PDE7A: variants seen among roughly 807,000 people sequenced by gnomAD.
PDE7A encodes phosphodiesterase 7A, also known as high affinity 3',5'-cyclic-AMP phosphodiesterase 7A.
In PDE7A, 39 loss-of-function variants were observed where a neutral mutation model predicts 64.3. That is an observed-to-expected ratio of 0.61 (90% CI 0.47 to 0.79). The LOEUF (loss-of-function observed/expected upper bound fraction) is 0.79. Ranked by LOEUF, PDE7A falls within the 30% of genes least tolerant of loss-of-function variation. The pLI is 0.00. For missense variants in PDE7A, 470 were observed against 582.8 expected, an observed-to-expected ratio of 0.81 and a Z score of 1.99; for synonymous variants, 203 against 206.8, an observed-to-expected ratio of 0.98 and a Z score of 0.16.
intron 7 of PDE7A, among the ~76,000 whole-genome samples, chr8:65,730,132 T>C (rs939311157): frequency 4.7e-5 from 7 of 147,502 alleles, no homozygotes; most frequent in African/African-American, 1.2e-4. Flanking sequence ...ACAAACCCTA[T>C]TGTAAACTGT....
chr8:65,743,159 G>A lies in PDE7A; in HGVS notation c.499+2248C>T, dbSNP rs549285134. On this transcript the variant is annotated intron_variant, in intron 5 of 12. Coordinates refer to ENST00000401827, the MANE Select transcript of PDE7A (RefSeq NM_001242318.3). ...TTATGTAAGGCTAAACCTTGAAAAT[G>A]TTAAGAGTGGCATTGTTTCATCTAT... 2.0e-5 allele frequency among the ~76,000 whole-genome samples: 3 copies of A among 152,330 alleles called. No homozygotes were observed. The South Asian group carries it at 6.2e-4, about 32-fold the overall frequency.
chr8:65,820,083 G>A (rs1167790829), intron 1 of PDE7A, among the ~76,000 whole-genome samples: 1 of 152,204 alleles, frequency 6.6e-6, no homozygotes, highest in Non-Finnish European at 1.5e-5. Flanking sequence ...CTAAGTAACT[G>A]TAAAAATCCA....
intron 3 of PDE7A, among the ~76,000 whole-genome samples, chr8:65,750,506 GTGTGTGTC>G (rs1160317477): frequency 6.6e-5 from 10 of 151,410 alleles, no homozygotes; most frequent in South Asian, 2.1e-4. Flanking sequence ...GTGTGTGTCT[GTGTGTGTC>G]TGTGTGTGTG....
intron 1 of PDE7A, among the ~76,000 whole-genome samples, chr8:65,802,270 A>C (rs919310068): frequency 6.6e-6 from 1 of 152,248 alleles, no homozygotes; most frequent in Non-Finnish European, 1.5e-5. Context: ...TCACTGCACA[A>C]CACTGTGAAT....
intron 1 of PDE7A, among the ~76,000 whole-genome samples, chr8:65,820,387 C>T (rs549257749): frequency 6.6e-6 from 1 of 151,956 alleles, no homozygotes; most frequent in East Asian, 1.9e-4. Context: ...CAGAGTGAGA[C>T]CCTGTTTCAA....
chr8:65,717,697 T>C lies in PDE7A; in HGVS notation c.*1593A>G, dbSNP rs1005346064. ...AAAGATAAAAATATGAAAAGATAGG[T>C]TTTTATTCATCAAAAGTTAACAGCA... On this transcript the variant is annotated 3_prime_UTR_variant, in exon 13 of 13. Coordinates refer to ENST00000401827, the MANE Select transcript of PDE7A (RefSeq NM_001242318.3). 6.6e-6 allele frequency: 1 copy of C among 152,196 alleles called. No homozygotes were observed. The highest frequency in any genetic ancestry group is 6.5e-5 in the Admixed American group (1 of 15,270). 9.4% of individuals were successfully genotyped at this position (152,196 alleles called of 1,614,324 possible). A position where few individuals can be genotyped will look rare whatever the true frequency, so the allele number is the denominator to read the frequency against.
chr8:65,716,284 T>C lies in PDE7A; in HGVS notation c.*3006A>G, dbSNP rs1585813367. On this transcript the variant is annotated 3_prime_UTR_variant, in exon 13 of 13. Coordinates refer to ENST00000401827, the MANE Select transcript of PDE7A (RefSeq NM_001242318.3). ...CACAGTTCCCCTGAGAATGTGGAAA[T>C]AGGATGATCTTTTCAGTTTCAAACT... Among the ~76,000 whole-genome samples the C allele has an allele frequency of 2.0e-5, 3 of 151,864 alleles. No homozygotes were observed. Among genetic ancestry groups the C allele is most frequent in the African/African-American group, 7.3e-5 (3 of 41,318 alleles).
chr8:65,809,949 A>T (rs1262245152), intron 1 of PDE7A, among the ~76,000 whole-genome samples: 2 of 152,206 alleles, frequency 1.3e-5, no homozygotes, highest in African/African-American at 4.8e-5. Context: ...CGATTCCTCA[A>T]GGATCTAGAA....
At chr8:65,775,465 T>C (rs1359678845) in intron 3 of PDE7A, among the ~76,000 whole-genome samples, 1 of 152,216 alleles carries the variant, frequency 6.6e-6, no homozygotes, top group Non-Finnish European at 1.5e-5. Context: ...GATTTTCCCA[T>C]CTAGTCTTTA....
At chr8:65,800,363 TTGAATCTACC>T (rs1414979006) in intron 1 of PDE7A, among the ~76,000 whole-genome samples, 3 of 152,220 alleles carry the variant, frequency 2.0e-5, no homozygotes, top group Non-Finnish European at 4.4e-5. Context: ...CTGAAGATCT[TTGAATCTACC>T]TGCAACATGT....
chr8:65,789,585 A>G (rs1171102580), intron 1 of PDE7A, among the ~76,000 whole-genome samples: 1 of 152,258 alleles, frequency 6.6e-6, no homozygotes, highest in Non-Finnish European at 1.5e-5. Context: ...CCAGTCTAAT[A>G]GTGCATTTTC....
At chr8:65,780,348 A>G (rs908394226) in intron 2 of PDE7A, among the ~76,000 whole-genome samples, 1 of 152,226 alleles carries the variant, frequency 6.6e-6, no homozygotes, top group Non-Finnish European at 1.5e-5. Flanking sequence ...GTAAAAACTT[A>G]AAATGTTAAA....
rs991285079 is a variant in PDE7A at position 65,723,691 on chromosome 8, G to C, written c.1163-70C>G. 2.8e-6 allele frequency: 3 copies of C among 1,060,700 alleles called. No homozygotes were observed. The South Asian group carries it at 6.4e-5, about 23-fold the overall frequency. The allele number at this position is 1,060,700 out of a possible 1,614,324, so 65.7% of individuals were successfully genotyped here. A position where few individuals can be genotyped will look rare whatever the true frequency, so the allele number is the denominator to read the frequency against. On this transcript the variant is annotated intron_variant, in intron 11 of 12. Coordinates refer to ENST00000401827, the MANE Select transcript of PDE7A (RefSeq NM_001242318.3). ...TGGTTAAATATATAATTAAAGGCTT[G>C]AACATACCTGTGCATTTCTTAGGAA...
At chr8:65,818,459 T>A (rs1008383515) in intron 1 of PDE7A, among the ~76,000 whole-genome samples, 4 of 152,230 alleles carry the variant, frequency 2.6e-5, no homozygotes, top group African/African-American at 9.6e-5. Flanking sequence ...ATTCTCATTT[T>A]GTATTTTTAA....
intron 1 of PDE7A, among the ~76,000 whole-genome samples, chr8:65,795,905 T>C (rs1393221799): frequency 1.3e-5 from 2 of 151,894 alleles, no homozygotes; most frequent in Non-Finnish European, 2.9e-5. Flanking sequence ...TTAAATGTTA[T>C]TGTAAATATG....
At chr8:65,787,788 GAA>G (rs113671790) in intron 1 of PDE7A, among the ~76,000 whole-genome samples, 8 of 127,694 alleles carry the variant, frequency 6.3e-5, no homozygotes, top group African/African-American at 6.4e-5. Context: ...ACAGGGGGGG[GAA>G]AAAAAAAAAG....
intron 1 of PDE7A, among the ~76,000 whole-genome samples, chr8:65,816,548 A>G (rs750214033): frequency 2.0e-5 from 3 of 152,222 alleles, no homozygotes; most frequent in Non-Finnish European, 4.4e-5. Context: ...TCTGATAGCT[A>G]CAAATTCTGT....
chr8:65,830,955 A>G (rs1480384848), intron 1 of PDE7A, among the ~76,000 whole-genome samples: 2 of 152,110 alleles, frequency 1.3e-5, no homozygotes, highest in African/African-American at 4.8e-5. Context: ...AAAAAAGACT[A>G]TAAAAAATTC....
intron 1 of PDE7A, among the ~76,000 whole-genome samples, chr8:65,813,809 G>A (rs1162236229): frequency 6.6e-6 from 1 of 152,054 alleles, no homozygotes. Context: ...CTCTTTAATC[G>A]TCTGGTAGTC....
Sources: allele counts gnomAD v4.1 joint callset (sites outside exome capture counted in the v4.1 genomes callset), GRCh38; gene constraint gnomAD v4.1.1; transcripts MANE v1.5; gene names NCBI Gene and HGNC (gene_info 2026-07-23, HGNC 2026-07-21).